Variants in CSMD1 observed in about 807,000 individuals in gnomAD.
CSMD1 encodes CUB and Sushi multiple domains 1, also known as CUB and sushi domain-containing protein 1.
Under a neutral mutation model 417.5 loss-of-function variants are expected in CSMD1, and 213 were observed. That is an observed-to-expected ratio of 0.51 (90% CI 0.46 to 0.57). The LOEUF (loss-of-function observed/expected upper bound fraction) is 0.57. Among genes scored for constraint, CSMD1 ranks in the 20% least tolerant of loss-of-function variants. The pLI, the probability that CSMD1 is intolerant of heterozygous loss-of-function variation, is 0.00. For synonymous variants in CSMD1, 2,862 were observed against 1,736.8 expected, an observed-to-expected ratio of 1.65 and a Z score of -16.11; for missense variants, 6,923 against 4,529.7, an observed-to-expected ratio of 1.53 and a Z score of -15.17.
intron 3 of CSMD1, among the ~76,000 whole-genome samples, chr8:4,322,104 A>G (rs939713551): frequency 9.2e-5 from 14 of 152,048 alleles, no homozygotes; most frequent in Non-Finnish European, 1.6e-4. Context: ...TTACATAAAT[A>G]CTTAATATAA....
intron 21 of CSMD1, among the ~76,000 whole-genome samples, chr8:3,353,562 C>G (rs966587732): frequency 4.6e-5 from 7 of 152,096 alleles, no homozygotes; most frequent in African/African-American, 1.7e-4. Flanking sequence ...GGCAGTATCC[C>G]GTAGGACGTA....
chr8:3,316,107 G>T (rs566663189), intron 23 of CSMD1, among the ~76,000 whole-genome samples: 1 of 152,094 alleles, frequency 6.6e-6, no homozygotes, highest in East Asian at 1.9e-4. Flanking sequence ...CCAGGATCAG[G>T]CACCTACATG....
chr8:2,961,897 A>C (rs1803526379), intron 61 of CSMD1, among the ~76,000 whole-genome samples: 1 of 152,244 alleles, frequency 6.6e-6, no homozygotes, highest in Non-Finnish European at 1.5e-5. Context: ...AATGACAGCA[A>C]ATATTCTTCT....
At chr8:3,703,335 G>C (rs367994402) in intron 7 of CSMD1, among the ~76,000 whole-genome samples, 315 of 152,276 alleles carry the variant, frequency 2.1e-3, no homozygotes, top group African/African-American at 7.4e-3. Flanking sequence ...ATGAACGTGG[G>C]TTCCCAAAGC....
At chr8:3,639,798 T>C (rs558541881) in intron 7 of CSMD1, among the ~76,000 whole-genome samples, 2 of 152,238 alleles carry the variant, frequency 1.3e-5, no homozygotes, top group Non-Finnish European at 2.9e-5. Context: ...ACTCATCCTA[T>C]TTTGGTTCAG....
intron 3 of CSMD1, among the ~76,000 whole-genome samples, chr8:4,045,125 A>G (rs1585197343): frequency 6.6e-6 from 1 of 152,112 alleles, no homozygotes; most frequent in Non-Finnish European, 1.5e-5. Flanking sequence ...GGCAGTCACC[A>G]CCTGTGCCCT....
intron 1 of CSMD1, among the ~76,000 whole-genome samples, chr8:4,852,307 T>C (rs926728775): frequency 2.6e-5 from 4 of 152,158 alleles, no homozygotes; most frequent in African/African-American, 7.2e-5. Flanking sequence ...TGATCCCTCA[T>C]AGATGGCTTC....
At chr8:3,978,186 C>T (rs1384102999) in intron 5 of CSMD1, among the ~76,000 whole-genome samples, 1 of 152,144 alleles carries the variant, frequency 6.6e-6, no homozygotes, top group Non-Finnish European at 1.5e-5. Context: ...CTGCAGGACT[C>T]CTGTTATTAC....
intron 3 of CSMD1, among the ~76,000 whole-genome samples, chr8:4,294,418 G>C (rs887064587): frequency 3.9e-5 from 6 of 152,138 alleles, no homozygotes; most frequent in African/African-American, 1.4e-4. Context: ...AATAGCTAAT[G>C]TTTATCAGAC....
chr8:4,047,464 T>A (rs1211318933), intron 3 of CSMD1, among the ~76,000 whole-genome samples: 2 of 152,200 alleles, frequency 1.3e-5, no homozygotes, highest in Non-Finnish European at 2.9e-5. Context: ...AGAATCATTA[T>A]AGCTAACTCA....
intron 1 of CSMD1, among the ~76,000 whole-genome samples, chr8:4,684,083 G>A (rs1283651314): frequency 6.6e-6 from 1 of 152,098 alleles, no homozygotes; most frequent in South Asian, 2.1e-4. Context: ...TAAAAATCCA[G>A]GGAATTTTGT....
At position 3,079,103 on chromosome 8, in the gene CSMD1, C is replaced by G. The variant is rs1813899984; in HGVS notation, c.7474+7994G>C. Among the ~76,000 whole-genome samples, 3 of 152,158 alleles carry G rather than the reference C, an allele frequency of 2.0e-5. No homozygotes were observed. In the South Asian group the frequency reaches 6.2e-4, roughly 32 times the overall value. Reference sequence around the variant, plus strand: ...CTCAATTGCGGGAGCCTGACTGCAACTGCACTGCACAGTACTGTACCCAAG... The same window carrying G: ...CTCAATTGCGGGAGCCTGACTGCAAGTGCACTGCACAGTACTGTACCCAAG... On this transcript the variant is annotated intron_variant, in intron 49 of 69. Coordinates refer to ENST00000635120, the MANE Select transcript of CSMD1 (RefSeq NM_033225.6).
intron 2 of CSMD1, among the ~76,000 whole-genome samples, chr8:4,523,471 CAT>C (rs1365555402): frequency 2.0e-5 from 3 of 152,134 alleles, no homozygotes; most frequent in Admixed American, 6.6e-5. Context: ...TATTGAAACA[CAT>C]ATGTTATGAT....
intron 5 of CSMD1, among the ~76,000 whole-genome samples, chr8:3,976,122 C>T (rs1238089153): frequency 2.6e-5 from 4 of 151,434 alleles, no homozygotes; most frequent in African/African-American, 4.9e-5. Context: ...AAATACATTA[C>T]CTATATAGTA....
At chr8:4,503,123 T>C (rs186114240) in intron 2 of CSMD1, among the ~76,000 whole-genome samples, 196 of 152,306 alleles carry the variant, frequency 1.3e-3, no homozygotes, top group African/African-American at 4.5e-3. Context: ...GAACTATGTG[T>C]AATGGATATG....
At chr8:3,065,303 GTAGA>G (rs78833976) in intron 49 of CSMD1, among the ~76,000 whole-genome samples, 1,879 of 149,380 alleles carry the variant, frequency 0.013, 40 homozygotes, top group South Asian at 0.11. Context: ...AGATAGATAG[GTAGA>G]TAGATAGATA....
intron 2 of CSMD1, among the ~76,000 whole-genome samples, chr8:4,486,647 A>C (rs1405375369): frequency 6.6e-6 from 1 of 152,160 alleles, no homozygotes; most frequent in Non-Finnish European, 1.5e-5. Flanking sequence ...ACTGTGACAT[A>C]CATATAGATG....
chr8:3,588,918 G>A (rs1437314313), intron 8 of CSMD1, among the ~76,000 whole-genome samples: 3 of 152,044 alleles, frequency 2.0e-5, no homozygotes, highest in Non-Finnish European at 2.9e-5. Flanking sequence ...TATGGGCAAA[G>A]GACCTGAATA....
At chr8:4,347,844 CA>C (rs11309360) in intron 3 of CSMD1, among the ~76,000 whole-genome samples, 79,261 of 149,880 alleles carry the variant, frequency 0.53, 22,806 homozygotes, top group African/African-American at 0.79. Context: ...TTCAAAGAAA[CA>C]AAAAAAAACA....
Sources: gnomAD v4.1 joint callset for allele counts (sites outside exome capture counted in the v4.1 genomes callset) on GRCh38, gnomAD v4.1.1 for gene constraint, MANE v1.5 for transcripts, NCBI Gene and HGNC (gene_info 2026-07-23, HGNC 2026-07-21) for gene names.